The following PHF24 variants were observed in gnomAD, a reference collection of about 807,000 sequenced individuals.
The protein encoded by PHF24 is Galpha inhibitory interacting protein.
In PHF24, 25 loss-of-function variants were observed where a neutral mutation model predicts 42.6. The ratio of observed to expected loss-of-function variants is 0.59; its 90% CI spans 0.43 to 0.82. The LOEUF is 0.82. PHF24 is among the 40% of genes least tolerant of loss of function. The pLI is 0.00. For missense variants in PHF24, 470 were observed against 538.1 expected, an observed-to-expected ratio of 0.87 and a Z score of 1.25; for synonymous variants, 185 against 204.8, an observed-to-expected ratio of 0.90 and a Z score of 0.83.
chr9:34,806,159 C>T, the PHF24 span, among the ~76,000 whole-genome samples: 1 of 151,816 alleles, frequency 6.6e-6, no homozygotes, highest in African/African-American at 2.4e-5. Context: ...TGTGAGTCCT[C>T]TTACTTTATT....
upstream of PHF24, among the ~76,000 whole-genome samples, chr9:34,954,157 A>AAC (rs897812199): frequency 2.3e-4 from 35 of 151,576 alleles, no homozygotes; most frequent in East Asian, 1.7e-3. Flanking sequence ...AAAACAAACA[A>AAC]ACACACACAC....
the PHF24 span, among the ~76,000 whole-genome samples, chr9:34,741,640 G>A: frequency 1.3e-5 from 2 of 152,206 alleles, no homozygotes. Flanking sequence ...GGGATTATAG[G>A]CATGAGCCAC....
chr9:34,814,637 A>G, the PHF24 span, among the ~76,000 whole-genome samples: 2 of 152,230 alleles, frequency 1.3e-5, no homozygotes, highest in Non-Finnish European at 2.9e-5. Flanking sequence ...ACTGTGAGTA[A>G]TAAAGTCCTT....
chr9:34,972,773 G>C (rs1449004153), intron 3 of PHF24, among the ~76,000 whole-genome samples: 1 of 152,062 alleles, frequency 6.6e-6, no homozygotes, highest in African/African-American at 2.4e-5. Flanking sequence ...AATTAGCTGG[G>C]CGTGGTGGCA....
the PHF24 span, chr9:34,832,971 G>C: frequency 1.6e-5 from 25 of 1,551,610 alleles, no homozygotes; most frequent in Non-Finnish European, 2.1e-5. Context: ...TGGGGGCTGT[G>C]TTGACAGGGA....
the PHF24 span, among the ~76,000 whole-genome samples, chr9:34,738,756 C>T: frequency 2.6e-5 from 4 of 152,162 alleles, no homozygotes; most frequent in African/African-American, 7.2e-5. Context: ...ATATAAGAGA[C>T]GGGATATAGG....
At chr9:34,692,998 GCTGGTTTCGAACTC>G in the PHF24 span, among the ~76,000 whole-genome samples, 9 of 152,108 alleles carry the variant, frequency 5.9e-5, no homozygotes, top group Non-Finnish European at 7.4e-5. Flanking sequence ...TGTTGGCTAG[GCTGGTTTCGAACTC>G]CTGGTTTCGA....
At chr9:34,769,321 A>G in the PHF24 span, among the ~76,000 whole-genome samples, 1 of 152,080 alleles carries the variant, frequency 6.6e-6, no homozygotes, top group Admixed American at 6.5e-5. Context: ...GGGTTTCACC[A>G]TGTTGGCCAG....
chr9:34,921,066 C>T, the PHF24 span, among the ~76,000 whole-genome samples: 2 of 152,072 alleles, frequency 1.3e-5, no homozygotes, highest in African/African-American at 4.8e-5. Flanking sequence ...TGTCTCGTTC[C>T]AGAACTTAGA....
the PHF24 span, among the ~76,000 whole-genome samples, chr9:34,758,823 A>G: frequency 1.3e-5 from 2 of 152,114 alleles, no homozygotes; most frequent in Admixed American, 6.5e-5. This position sits in a 1 kb window ranked among gnomAD's most constrained non-coding sequence, Gnocchi z 4.4. Context: ...TCCTGTAGTA[A>G]GGACTGTGGG....
the PHF24 span, among the ~76,000 whole-genome samples, chr9:34,879,453 C>A: frequency 2.7e-3 from 415 of 152,202 alleles, 1 homozygote; most frequent in African/African-American, 9.2e-3. Context: ...CACAAAGAAG[C>A]TAAAAACCTT....
chr9:34,795,219 G>T, the PHF24 span, among the ~76,000 whole-genome samples: 2 of 151,608 alleles, frequency 1.3e-5, no homozygotes, highest in African/African-American at 4.8e-5. Context: ...ACTCCAGTCT[G>T]GGCAACAGAG....
chr9:34,821,616 C>G, the PHF24 span, among the ~76,000 whole-genome samples: 12 of 152,182 alleles, frequency 7.9e-5, no homozygotes, highest in African/African-American at 2.4e-4. Flanking sequence ...CCATCAGGCT[C>G]TCTAACGCCT....
the PHF24 span, chr9:34,837,602 C>T: frequency 7.3e-7 from 1 of 1,376,064 alleles, no homozygotes; most frequent in Middle Eastern, 2.5e-4. Flanking sequence ...GGACAGGATT[C>T]ATAGGAAACA....
chr9:34,935,196 A>G, the PHF24 span, among the ~76,000 whole-genome samples: 1 of 152,156 alleles, frequency 6.6e-6, no homozygotes. Context: ...TGAGAACTGA[A>G]TCCTGGATTT....
chr9:34,956,266 T>TTG (rs960320624), upstream of PHF24, among the ~76,000 whole-genome samples: 62 of 151,850 alleles, frequency 4.1e-4, no homozygotes, highest in African/African-American at 1.4e-3. Context: ...CAATGTACTT[T>TTG]TGTGTGTGTG....
At chr9:34,680,183 T>A in the PHF24 span, among the ~76,000 whole-genome samples, 2 of 152,128 alleles carry the variant, frequency 1.3e-5, no homozygotes, top group Non-Finnish European at 2.9e-5. Context: ...GAGACCAGCC[T>A]GGCCAACATG....
At chr9:34,939,173 G>T in the PHF24 span, among the ~76,000 whole-genome samples, 10 of 152,056 alleles carry the variant, frequency 6.6e-5, no homozygotes, top group African/African-American at 2.4e-4. Flanking sequence ...CCAGCTACTC[G>T]GGAGGCTGAG....
the PHF24 span, among the ~76,000 whole-genome samples, chr9:34,915,377 A>G: frequency 6.8e-6 from 1 of 148,100 alleles, no homozygotes; most frequent in South Asian, 2.1e-4. Flanking sequence ...TACAATGCAT[A>G]TTGTCACTAG....
Sources: gnomAD v4.1 joint callset for allele counts (sites outside exome capture counted in the v4.1 genomes callset) on GRCh38, gnomAD v4.1.1 for gene constraint, Gnocchi (gnomAD v3.1) non-coding constraint, MANE v1.5 for transcripts, NCBI Gene and HGNC (gene_info 2026-07-23, HGNC 2026-07-21) for gene names.